Variants in GALNTL6 observed in about 807,000 individuals in gnomAD.
GALNTL6 encodes the protein polypeptide N-acetylgalactosaminyltransferase-like 6.
A neutral mutation model predicts 73.7 loss-of-function variants in GALNTL6; 46 were observed. The observed-to-expected ratio is 0.62, with a 90% CI of 0.49 to 0.80. GALNTL6 has a LOEUF of 0.80. Among genes scored for constraint, GALNTL6 ranks in the 30% least tolerant of loss-of-function variants. The pLI, the probability that GALNTL6 is intolerant of heterozygous loss-of-function variation, is 0.00. For synonymous variants in GALNTL6, 259 were observed against 263.7 expected (o/e 0.98, Z 0.17); for missense variants, 604 against 755.0 (o/e 0.80, Z 2.34).
intron 5 of GALNTL6, among the ~76,000 whole-genome samples, chr4:172,559,126 G>A (rs909283702): frequency 2.5e-5 from 3 of 121,022 alleles, no homozygotes; most frequent in African/African-American, 6.2e-5. Context: ...GAGTGCAGTC[G>A]CGATCTCGGC....
intron 5 of GALNTL6, among the ~76,000 whole-genome samples, chr4:172,786,162 A>G (rs1261947878): frequency 6.6e-6 from 1 of 152,214 alleles, no homozygotes; most frequent in Non-Finnish European, 1.5e-5. Context: ...ATTCGCTCTA[A>G]TCAGCTGGCT....
chr4:172,148,120 T>C (rs945154850), intron 2 of GALNTL6, among the ~76,000 whole-genome samples: 57 of 152,156 alleles, frequency 3.7e-4, no homozygotes, highest in African/African-American at 1.3e-3. Context: ...ATTATTACAT[T>C]ACAGTATAAA....
chr4:171,831,930 T>C (rs1460322779), intron 2 of GALNTL6, among the ~76,000 whole-genome samples: 4 of 151,472 alleles, frequency 2.6e-5, no homozygotes, highest in Non-Finnish European at 5.9e-5. Flanking sequence ...GACACAAAAG[T>C]ATTTTTTTAT....
rs545912965 is a variant in GALNTL6 at position 172,482,460 on chromosome 4, T to C, written c.553+133771T>C. ...AGGGCCAGATTCAAGGATGAGGAAA[T>C]AGGCTTTACAAATTGATGGGAAGAG... On this transcript the variant is annotated intron_variant, in intron 5 of 12. Coordinates refer to ENST00000506823, the MANE Select transcript of GALNTL6 (RefSeq NM_001034845.3). Among the ~76,000 whole-genome samples, 5 of 152,310 alleles carry C rather than the reference T, an allele frequency of 3.3e-5. No homozygotes were observed. In the South Asian group the frequency reaches 8.3e-4, roughly 25 times the overall value.
intron 5 of GALNTL6, among the ~76,000 whole-genome samples, chr4:172,664,152 G>A (rs193258687): frequency 1.3e-4 from 20 of 152,208 alleles, no homozygotes; most frequent in Admixed American, 1.3e-4. Context: ...GAATGTTCCC[G>A]TATTAAATTG....
chr4:172,440,401 T>C (rs942366121), intron 5 of GALNTL6, among the ~76,000 whole-genome samples: 1 of 152,050 alleles, frequency 6.6e-6, no homozygotes, highest in Non-Finnish European at 1.5e-5. Flanking sequence ...ACATACTATA[T>C]GATTCCAGCT....
chr4:172,969,002 A>G (rs1474076857), intron 10 of GALNTL6, among the ~76,000 whole-genome samples: 9 of 152,182 alleles, frequency 5.9e-5, no homozygotes, highest in Non-Finnish European at 1.0e-4. Flanking sequence ...GGCTATAAAG[A>G]AGATGAAAAC....
chr4:172,565,702 T>C (rs1736528681), intron 5 of GALNTL6, among the ~76,000 whole-genome samples: 1 of 152,136 alleles, frequency 6.6e-6, no homozygotes. Context: ...TTTTAATGTT[T>C]GGTAGAATTC....
intron 5 of GALNTL6, among the ~76,000 whole-genome samples, chr4:172,718,205 T>A (rs981415747): frequency 6.6e-6 from 1 of 152,228 alleles, no homozygotes; most frequent in African/African-American, 2.4e-5. Flanking sequence ...ATCGTTATGA[T>A]GATTCATGAC....
At chr4:172,371,804 CCCTCTCCT>C (rs1430082987) in intron 5 of GALNTL6, among the ~76,000 whole-genome samples, 1 of 151,988 alleles carries the variant, frequency 6.6e-6, no homozygotes, top group Non-Finnish European at 1.5e-5. Flanking sequence ...TGCTGTTCTC[CCCTCTCCT>C]TCCTCTTTTT....
chr4:172,836,399 C>T (rs1380490821), intron 7 of GALNTL6, among the ~76,000 whole-genome samples: 1 of 152,106 alleles, frequency 6.6e-6, no homozygotes, highest in Non-Finnish European at 1.5e-5. Flanking sequence ...GGGAAGTTTC[C>T]TACATATTCC....
intron 5 of GALNTL6, among the ~76,000 whole-genome samples, chr4:172,707,827 G>A (rs1178388090): frequency 6.6e-6 from 1 of 151,992 alleles, no homozygotes; most frequent in Non-Finnish European, 1.5e-5. Flanking sequence ...CAGGATTCTT[G>A]CTGAAGGAAA....
At chr4:172,606,682 A>AG (rs1738313316) in intron 5 of GALNTL6, among the ~76,000 whole-genome samples, 2 of 89,842 alleles carry the variant, frequency 2.2e-5, no homozygotes, top group African/African-American at 7.0e-5. Context: ...TATACTATAT[A>AG]TATAGTATAT....
intron 7 of GALNTL6, among the ~76,000 whole-genome samples, chr4:172,820,488 C>G (rs1741862976): frequency 6.6e-6 from 1 of 152,130 alleles, no homozygotes; most frequent in South Asian, 2.1e-4. Flanking sequence ...ATCAGTAAAG[C>G]ATGAAATTGA....
At chr4:171,905,257 A>G (rs542708209) in intron 2 of GALNTL6, among the ~76,000 whole-genome samples, 1 of 151,908 alleles carries the variant, frequency 6.6e-6, no homozygotes, top group Non-Finnish European at 1.5e-5. Context: ...CCCATCTCAC[A>G]TGCAGAGACA....
intron 2 of GALNTL6, chr4:171,815,530 C>T (rs1734503684): frequency 6.6e-6 from 1 of 152,178 alleles, no homozygotes; most frequent in Non-Finnish European, 1.5e-5. Context: ...TCAATGTTGT[C>T]GAATTCCTTG....
intron 5 of GALNTL6, among the ~76,000 whole-genome samples, chr4:172,593,503 A>G (rs1294748864): frequency 6.6e-6 from 1 of 152,206 alleles, no homozygotes; most frequent in Non-Finnish European, 1.5e-5. Context: ...ATGGAGAGAG[A>G]AAATTATTTC....
chr4:172,639,302 G>A (rs1739851214), intron 5 of GALNTL6, among the ~76,000 whole-genome samples: 2 of 152,006 alleles, frequency 1.3e-5, no homozygotes, highest in South Asian at 2.1e-4. Flanking sequence ...TGATCTTTCC[G>A]ATGTTACTCT....
intron 2 of GALNTL6, among the ~76,000 whole-genome samples, chr4:172,206,775 GTTTTTT>G (rs1736123959): frequency 2.5e-5 from 2 of 79,718 alleles, no homozygotes; most frequent in Non-Finnish European, 5.6e-5. Context: ...GATGAAACGT[GTTTTTT>G]GTTTTGTTTT....
Sources: allele counts gnomAD v4.1 joint callset (sites outside exome capture counted in the v4.1 genomes callset), GRCh38; gene constraint gnomAD v4.1.1; transcripts MANE v1.5; gene names NCBI Gene and HGNC (gene_info 2026-07-23, HGNC 2026-07-21).